The following SCN2A variants were observed in gnomAD, a reference collection of about 807,000 sequenced individuals.
The protein encoded by SCN2A is sodium channel protein type 2 subunit alpha.
SCN2A carries 20 observed loss-of-function variants against 188.7 expected under a neutral mutation model. The ratio of observed to expected loss-of-function variants is 0.11; its 90% CI spans 0.07 to 0.15. The LOEUF is 0.15. Among genes scored for constraint, SCN2A ranks in the 10% least tolerant of loss-of-function variants. The probability of loss-of-function intolerance (pLI) is 1.00; values close to 1 mark genes in which losing one functional copy is unlikely to be tolerated. For synonymous variants in SCN2A, 804 were observed against 833.1 expected, an observed-to-expected ratio of 0.97 and a Z score of 0.60; for missense variants, 1,278 against 2,445.0, an observed-to-expected ratio of 0.52 and a Z score of 10.07.
intron 3 of SCN2A, among the ~76,000 whole-genome samples, chr2:165,299,746 A>T (rs765144159): frequency 5.3e-5 from 8 of 152,196 alleles, no homozygotes; most frequent in Non-Finnish European, 1.2e-4. Context: ...GACTTCAAGT[A>T]CAGTGTCTTT....
rs926542477 is a variant in SCN2A, at chr2:165,354,381, G to T, written c.3109G>T (p.Asp1037Tyr). The change falls in exon 17 of 27, where the codon GAT becomes TAT. Residue 1037 changes from aspartate (D) to tyrosine (Y), a missense_variant. Around this residue, in one of 17 missense-constraint regions of SCN2A, gnomAD observed 228 missense variants for 297.3 expected, o/e 0.77. Transcript: ENST00000375437. ...KAFVRKQKAL[D>Y]EIKPLEDLNN... Reference sequence around the variant, plus strand: ...CTTTGTTAGGAAGCAGAAAGCTTTAGATGAAATTAAACCGCTTGAAGATCT... The same window carrying T: ...CTTTGTTAGGAAGCAGAAAGCTTTATATGAAATTAAACCGCTTGAAGATCT... 6.2e-7 allele frequency: 1 copy of T among 1,613,972 alleles called. No individual in the cohort carries two copies. The highest frequency in any genetic ancestry group is 1.1e-5 in the South Asian group (1 of 91,066).
intron 1 of SCN2A, chr2:165,285,621 G>A: frequency 4.0e-6 from 1 of 250,190 alleles, no homozygotes; most frequent in Non-Finnish European, 8.7e-6. Context: ...TAACCCTGTG[G>A]CTGCCGGACA....
chr2:165,297,563 T>G (rs1011793692), intron 3 of SCN2A, among the ~76,000 whole-genome samples: 1 of 152,274 alleles, frequency 6.6e-6, no homozygotes, highest in African/African-American at 2.4e-5. Context: ...TGTATGTTTT[T>G]GGTCTGAATT....
At chr2:165,314,257 T>C (rs781687376) in intron 10 of SCN2A, 149 bp downstream of exon 10, 4 of 750,842 alleles carry the variant, frequency 5.3e-6, no homozygotes, top group Non-Finnish European at 8.8e-6. Flanking sequence ...TAAGAAGTTA[T>C]TACTTTATTG....
At chr2:165,337,695 G>A (rs188429637) in intron 14 of SCN2A, among the ~76,000 whole-genome samples, 205 of 152,124 alleles carry the variant, frequency 1.3e-3, no homozygotes, top group South Asian at 4.1e-3. Context: ...TCTACAGAAA[G>A]TGAAACTATC....
At chr2:165,313,507 C>A (rs150525722) in intron 8 of SCN2A, 113 bp from the exon 9 acceptor site, 2 of 1,181,104 alleles carry the variant, frequency 1.7e-6, no homozygotes, top group African/African-American at 1.5e-5. Context: ...TGAGAGAAAT[C>A]GGCTTTTTTC....
At chr2:165,283,482 G>A (rs1695673272) in intron 1 of SCN2A, among the ~76,000 whole-genome samples, 1 of 152,202 alleles carries the variant, frequency 6.6e-6, no homozygotes, top group African/African-American at 2.4e-5. Context: ...CATCCTCCAT[G>A]CCTGGGATAA....
rs796053190 is a variant in SCN2A at position 165,326,892 on chromosome 2, G to T, written c.2057G>T (p.Ser686Ile). Residue 686 changes from serine to isoleucine, a missense_variant, in exon 13 of 27, where the codon AGT (serine) becomes ATT (isoleucine). This residue lies in a region of SCN2A where 315 missense variants were observed against 386.6 expected (regional missense o/e 0.81). Transcript: ENST00000375437. ...TETEIRKRRS[S>I]SYHVSMDLLE... ...ACAGAAATAAGAAAGAGACGGTCCAGTTCTTATCATGTTTCCATGGATTTA... is the reference window on the plus strand; with the variant it reads ...ACAGAAATAAGAAAGAGACGGTCCATTTCTTATCATGTTTCCATGGATTTA... The T allele has an allele frequency of 1.2e-6, 2 of 1,613,920 alleles. No individual in the cohort carries two copies. The highest frequency in any genetic ancestry group is 1.7e-4 in the Middle Eastern group (1 of 6,060).
In SCN2A at chr2:165,389,273, G is replaced by A. The variant is rs779516339; in HGVS notation, c.5467G>A (p.Asp1823Asn). The part of the protein sequence containing the change: ...IEFAKLSDFA[D>N]ALDPPLLIAK... ...GTTTGCCAAACTTTCTGATTTTGCA[G>A]ATGCCCTGGATCCTCCTCTTCTCAT... The change falls in exon 27 of 27, where the codon GAT becomes AAT. Residue 1823 changes from aspartate to asparagine, a missense_variant. By Grantham distance (23) the Asp-to-Asn change is conservative. This residue lies in a region of SCN2A where 54 missense variants were observed against 135.4 expected (regional missense o/e 0.40). Coordinates refer to ENST00000375437, the MANE Select transcript of SCN2A (RefSeq NM_001040142.2). The surrounding 1 kb of genome is among the most constrained non-coding windows in gnomAD (Gnocchi z 4.2). The A allele has an allele frequency of 1.5e-5, 25 of 1,614,100 alleles. No homozygotes were observed. In the South Asian group the frequency reaches 2.7e-4, roughly 18 times the overall value.
At chr2:165,262,480 C>T (rs1224966470) in intron 1 of SCN2A, among the ~76,000 whole-genome samples, 1 of 152,092 alleles carries the variant, frequency 6.6e-6, no homozygotes, top group Non-Finnish European at 1.5e-5. Context: ...TTTGGTTTTC[C>T]ATTCCTGAGT....
At chr2:165,357,150 G>T (rs1700220852) in intron 17 of SCN2A, among the ~76,000 whole-genome samples, 1 of 152,078 alleles carries the variant, frequency 6.6e-6, no homozygotes, top group Non-Finnish European at 1.5e-5. Flanking sequence ...CCGTGAAAGA[G>T]GTTATGTGTA....
chr2:165,306,556 T>C (rs1248187573), intron 3 of SCN2A, among the ~76,000 whole-genome samples: 1 of 149,186 alleles, frequency 6.7e-6, no homozygotes, highest in Non-Finnish European at 1.5e-5. Flanking sequence ...GTGTGTGTTC[T>C]CTAGATTATA....
intron 10 of SCN2A, among the ~76,000 whole-genome samples, 167 bp downstream of exon 10, chr2:165,314,275 C>T (rs1697605785): frequency 1.3e-5 from 2 of 152,130 alleles, no homozygotes; most frequent in Admixed American, 1.3e-4. Context: ...TTGCAATGAT[C>T]TCTGTCAATA....
chr2:165,326,704 G>A, intron 12 of SCN2A, 148 bp from the exon 13 acceptor site: 1 of 988,800 alleles, frequency 1.0e-6, no homozygotes, highest in Non-Finnish European at 1.5e-6. Context: ...AACCCCCAAA[G>A]AATTATCATT....
At position 165,341,827 on chromosome 2, in the gene SCN2A, T is replaced by A. The variant is rs146309151; in HGVS notation, c.2389-469T>A. Among the ~76,000 whole-genome samples, 752 of 152,340 alleles carry A rather than the reference T, an allele frequency of 4.9e-3. 13 individuals carry two copies. Among genetic ancestry groups the A allele is most frequent in the African/African-American group, 0.016 (675 of 41,578 alleles). On this transcript the variant is annotated intron_variant, in intron 14 of 26. Coordinates refer to ENST00000375437, the MANE Select transcript of SCN2A (RefSeq NM_001040142.2). ...TTTCGCCAACAAAAGGAAATTTTTT[T>A]AAGAGTTCTTACTATCTGTAGAGCT...
Position 165,390,628 on chromosome 2 carries a change from G to A in SCN2A, c.*804G>A, listed in dbSNP as rs764448155. 8 of 152,172 alleles carry A rather than the reference G, an allele frequency of 5.3e-5. No individual in the cohort carries two copies. The highest frequency in any genetic ancestry group is 1.9e-4 in the East Asian group (1 of 5,168). 9.4% of individuals were successfully genotyped at this position (152,172 alleles called of 1,614,324 possible). A position where few individuals can be genotyped will look rare whatever the true frequency, so the allele number is the denominator to read the frequency against. ...TATATATGTATATATGTATATGTGC[G>A]TGTATATACATATATATGTATACAC... On this transcript the variant is annotated 3_prime_UTR_variant, in exon 27 of 27. Transcript: ENST00000375437.
chr2:165,245,610 T>C (rs991941330), intron 1 of SCN2A, among the ~76,000 whole-genome samples: 4 of 152,290 alleles, frequency 2.6e-5, no homozygotes, highest in African/African-American at 9.6e-5. Context: ...TGCTTAGACC[T>C]ACACTTACTA....
intron 8 of SCN2A, among the ~76,000 whole-genome samples, chr2:165,312,555 T>G (rs1253851894): frequency 6.6e-6 from 1 of 152,100 alleles, no homozygotes; most frequent in Non-Finnish European, 1.5e-5. Flanking sequence ...AGACTTTGAC[T>G]CCATCATATA....
chr2:165,268,773 GCA>G (rs144749969), intron 1 of SCN2A: 17 of 148,422 alleles, frequency 1.1e-4, no homozygotes, highest in East Asian at 6.1e-4. Context: ...ACACACACAC[GCA>G]CACACACACA....
Sources: allele counts gnomAD v4.1 joint callset (sites outside exome capture counted in the v4.1 genomes callset), GRCh38; gene constraint gnomAD v4.1.1; regional missense constraint gnomAD v4.1.1; non-coding constraint Gnocchi (gnomAD v3.1); transcripts MANE v1.5; gene names NCBI Gene and HGNC (gene_info 2026-07-23, HGNC 2026-07-21).